The following CDH4 variants were observed in gnomAD, a reference collection of about 807,000 sequenced individuals.
CDH4 encodes cadherin 4.
In CDH4, 33 loss-of-function variants were observed where a neutral mutation model predicts 86.0. The ratio of observed to expected loss-of-function variants is 0.38; its 90% CI spans 0.29 to 0.51. The LOEUF (loss-of-function observed/expected upper bound fraction) is 0.51. Among genes scored for constraint, CDH4 ranks in the 20% least tolerant of loss-of-function variants. CDH4 has a pLI of 0.86. For synonymous variants in CDH4, 555 were observed against 549.4 expected, an observed-to-expected ratio of 1.01 and a Z score of -0.14; for missense variants, 1,114 against 1,307.4, an observed-to-expected ratio of 0.85 and a Z score of 2.28.
At chr20:61,397,423 C>A (rs909250751) in intron 2 of CDH4, among the ~76,000 whole-genome samples, 2 of 144,520 alleles carry the variant, frequency 1.4e-5, no homozygotes, top group Non-Finnish European at 3.2e-5. Context: ...GGCTTCCTTG[C>A]GCATATCACA....
At chr20:61,863,582 A>G (rs1414390094) in intron 6 of CDH4, among the ~76,000 whole-genome samples, 1 of 152,014 alleles carries the variant, frequency 6.6e-6, no homozygotes, top group Non-Finnish European at 1.5e-5. Context: ...GGAGCCCTGC[A>G]GGGCTCGCAC....
intron 2 of CDH4, among the ~76,000 whole-genome samples, chr20:61,398,074 C>T: frequency 6.6e-6 from 1 of 152,130 alleles, no homozygotes; most frequent in East Asian, 1.9e-4. Context: ...TTCTTTCCAC[C>T]GATTCACTTG....
At chr20:61,877,330 A>C in intron 7 of CDH4, among the ~76,000 whole-genome samples, 1 of 149,416 alleles carries the variant, frequency 6.7e-6, no homozygotes. Flanking sequence ...CCTGCTCCCC[A>C]AGGCCCACAG....
intron 2 of CDH4, among the ~76,000 whole-genome samples, chr20:61,321,563 C>T (rs770197916): frequency 3.5e-4 from 53 of 152,144 alleles, no homozygotes; most frequent in Non-Finnish European, 6.8e-4. Context: ...CCTCATCTCC[C>T]TTGGGTACTT....
chr20:61,777,907 TACAC>T (rs752544021), intron 4 of CDH4, among the ~76,000 whole-genome samples: 116 of 147,618 alleles, frequency 7.9e-4, no homozygotes, highest in African/African-American at 2.8e-3. Flanking sequence ...GTGCATGCAA[TACAC>T]ACATCCACAT....
chr20:61,779,057 A>G (rs1978393305), intron 4 of CDH4, among the ~76,000 whole-genome samples: 1 of 152,212 alleles, frequency 6.6e-6, no homozygotes, highest in African/African-American at 2.4e-5. Context: ...ACATTCTTAA[A>G]GGGTTTTAAA....
At chr20:61,413,617 G>A (rs116751523) in intron 2 of CDH4, among the ~76,000 whole-genome samples, 2,410 of 152,320 alleles carry the variant, frequency 0.016, 61 homozygotes, top group African/African-American at 0.055. Context: ...CCATTATTGT[G>A]TGATTCCTGC....
chr20:61,548,419 A>G (rs563831513), intron 2 of CDH4, among the ~76,000 whole-genome samples: 25 of 152,122 alleles, frequency 1.6e-4, no homozygotes, highest in Non-Finnish European at 1.2e-4. Flanking sequence ...AACAGAGTAC[A>G]AAGAGGAGAA....
chr20:61,392,345 C>A lies in CDH4; in HGVS notation c.169+137408C>A, dbSNP rs2084991283. Among the ~76,000 whole-genome samples, 1 of 152,152 alleles carries A rather than the reference C, an allele frequency of 6.6e-6. No individual in the cohort carries two copies. Among genetic ancestry groups the A allele is most frequent in the South Asian group, 2.1e-4 (1 of 4,818 alleles). On this transcript the variant is annotated intron_variant, in intron 2 of 15. Coordinates refer to ENST00000614565, the MANE Select transcript of CDH4 (RefSeq NM_001794.5). The surrounding 1 kb of genome is among the most constrained non-coding windows in gnomAD (Gnocchi z 5.7). ...GGAAGCAGAGGCTCCCCTGCGATTC[C>A]GCTCGGAGTCCCACGCTGCTCAGTA...
At chr20:61,831,804 C>T (rs967366068) in intron 4 of CDH4, among the ~76,000 whole-genome samples, 3 of 152,254 alleles carry the variant, frequency 2.0e-5, no homozygotes, top group South Asian at 4.1e-4. Flanking sequence ...GTCACTGGCA[C>T]GTGGTGTGCA....
At chr20:61,826,261 G>A (rs1303425088) in intron 4 of CDH4, among the ~76,000 whole-genome samples, 1 of 152,162 alleles carries the variant, frequency 6.6e-6, no homozygotes, top group East Asian at 1.9e-4. Flanking sequence ...CTTTCTCCTT[G>A]CTTGCTCCAC....
At chr20:61,312,804 G>A (rs2084454536) in intron 2 of CDH4, among the ~76,000 whole-genome samples, 1 of 152,136 alleles carries the variant, frequency 6.6e-6, no homozygotes, top group African/African-American at 2.4e-5. Context: ...CCTAGAGCTT[G>A]TGGGACGGGA....
intron 6 of CDH4, among the ~76,000 whole-genome samples, chr20:61,869,174 AC>A (rs1475912160): frequency 6.6e-6 from 1 of 152,248 alleles, no homozygotes; most frequent in Non-Finnish European, 1.5e-5. Context: ...CCTTGGTAGA[AC>A]TAGAAGTTGG....
chr20:61,636,542 G>A (rs1325040568), intron 2 of CDH4, among the ~76,000 whole-genome samples: 5 of 152,260 alleles, frequency 3.3e-5, no homozygotes, highest in Non-Finnish European at 7.3e-5. Context: ...CGGCAGCCTT[G>A]CTGCCTTTTA....
rs765780620 is a variant in CDH4 at position 61,923,489 on chromosome 20, A to C, written c.1413A>C (p.Thr471=). 10 of 1,614,078 alleles carry C rather than the reference A, an allele frequency of 6.2e-6. No individual in the cohort carries two copies. The highest frequency in any genetic ancestry group is 8.5e-6 in the Non-Finnish European group (10 of 1,180,040). The change falls in exon 10 of 16, where the codon ACA becomes ACC. Residue 471 remains threonine, a synonymous_variant. Coordinates refer to ENST00000614565, the MANE Select transcript of CDH4 (RefSeq NM_001794.5). ...AGCTCAACAGAGCTTTCATGCTGACAGTGATGGTGTCCAACCAGGCGCCCC... is the reference window on the plus strand; with the variant it reads ...AGCTCAACAGAGCTTTCATGCTGACCGTGATGGTGTCCAACCAGGCGCCCC... ...DYELNRAFML[T]VMVSNQAPLA...
intron 2 of CDH4, among the ~76,000 whole-genome samples, chr20:61,522,733 C>T (rs1048163534): frequency 4.7e-5 from 6 of 128,122 alleles, no homozygotes; most frequent in South Asian, 2.4e-4. Flanking sequence ...CGGAAATGGC[C>T]GCGGGCTGTT....
intron 4 of CDH4, among the ~76,000 whole-genome samples, chr20:61,832,017 TG>T: frequency 8.5e-6 from 1 of 117,844 alleles, no homozygotes; most frequent in Non-Finnish European, 2.2e-5. Flanking sequence ...GAGACCACCT[TG>T]CCCACTCATC....
chr20:61,621,383 A>T (rs1253598613), intron 2 of CDH4, among the ~76,000 whole-genome samples: 1 of 152,238 alleles, frequency 6.6e-6, no homozygotes, highest in East Asian at 1.9e-4. Context: ...TAGTCTATTG[A>T]AACATTTCAG....
At chr20:61,536,874 AG>A (rs1356021530) in intron 2 of CDH4, among the ~76,000 whole-genome samples, 1 of 152,166 alleles carries the variant, frequency 6.6e-6, no homozygotes, top group Admixed American at 6.5e-5. Flanking sequence ...TGTTCAGCGC[AG>A]GGGCTGGCCC....
Sources: allele counts gnomAD v4.1 joint callset (sites outside exome capture counted in the v4.1 genomes callset), GRCh38; gene constraint gnomAD v4.1.1; non-coding constraint Gnocchi (gnomAD v3.1); transcripts MANE v1.5; gene names NCBI Gene and HGNC (gene_info 2026-07-23, HGNC 2026-07-21).